DOCK5: variants seen among roughly 807,000 people sequenced by gnomAD.
DOCK5 encodes dedicator of cytokinesis 5, also known as dedicator of cytokinesis protein 5.
In DOCK5, 142 loss-of-function variants were observed where a neutral mutation model predicts 251.8. The ratio of observed to expected loss-of-function variants is 0.56; its 90% CI spans 0.49 to 0.65. The LOEUF is 0.65. DOCK5 is among the 30% of genes least tolerant of loss of function. The pLI is 0.00. For synonymous variants in DOCK5, 842 were observed against 835.5 expected (o/e 1.01, Z -0.13); for missense variants, 2,111 against 2,312.3 (o/e 0.91, Z 1.79).
intron 1 of DOCK5, among the ~76,000 whole-genome samples, chr8:25,237,270 G>A (rs1177411617): frequency 6.6e-6 from 1 of 152,120 alleles, no homozygotes; most frequent in African/African-American, 2.4e-5. Context: ...TTGGGGGGAT[G>A]AGGCGGGAGG....
intron 1 of DOCK5, among the ~76,000 whole-genome samples, chr8:25,229,418 T>C (rs1035017519): frequency 6.6e-5 from 10 of 151,994 alleles, no homozygotes; most frequent in African/African-American, 1.9e-4. Context: ...GAGGCAGAGG[T>C]TGCGGTGAGC....
intron 26 of DOCK5, among the ~76,000 whole-genome samples, chr8:25,351,208 C>T (rs975817524): frequency 2.0e-5 from 3 of 152,136 alleles, no homozygotes; most frequent in African/African-American, 7.2e-5. Flanking sequence ...CAGATGCCCG[C>T]CACCACGCCC....
chr8:25,322,204 C>T (rs973226935), intron 16 of DOCK5, among the ~76,000 whole-genome samples: 4 of 152,212 alleles, frequency 2.6e-5, no homozygotes, highest in African/African-American at 7.2e-5. Context: ...GACACTCCCA[C>T]GCAGAGTCTT....
intron 25 of DOCK5, among the ~76,000 whole-genome samples, chr8:25,344,174 G>A (rs146346125): frequency 1.3e-5 from 2 of 152,238 alleles, no homozygotes; most frequent in Non-Finnish European, 2.9e-5. Context: ...GGAGAGGAGT[G>A]GGGCATGGAG....
chr8:25,239,458 C>T (rs112688125), intron 1 of DOCK5, among the ~76,000 whole-genome samples: 1,525 of 151,664 alleles, frequency 0.01, 33 homozygotes, highest in African/African-American at 0.035. Flanking sequence ...TTCCAATGAC[C>T]GGAACCAGGA....
chr8:25,324,715 A>G (rs1312886745), intron 17 of DOCK5, among the ~76,000 whole-genome samples: 1 of 152,108 alleles, frequency 6.6e-6, no homozygotes, highest in Non-Finnish European at 1.5e-5. Context: ...ACAGATGTAT[A>G]CATGTGCCAT....
intron 1 of DOCK5, among the ~76,000 whole-genome samples, chr8:25,213,835 A>G (rs1198043174): frequency 2.0e-5 from 3 of 152,138 alleles, no homozygotes; most frequent in South Asian, 2.1e-4. Context: ...GCAATAAGAG[A>G]TGGGGGAGAG....
chr8:25,391,689 A>G (rs1801262284), intron 42 of DOCK5, among the ~76,000 whole-genome samples: 1 of 152,176 alleles, frequency 6.6e-6, no homozygotes, highest in South Asian at 2.1e-4. Context: ...GCTGTGAAAT[A>G]AATTCCTAAA....
At position 25,341,003 on chromosome 8, in the gene DOCK5, A is replaced by T. The variant is rs1221275411; in HGVS notation, c.2439+15A>T. The T allele has an allele frequency of 6.3e-7, 1 of 1,593,640 alleles. No individual in the cohort carries two copies. The highest frequency in any genetic ancestry group is 2.2e-5 in the East Asian group (1 of 44,552). ...TCAAGATCAAGGTCAGCCTGGCAGCATCATGGGTAACTCTTCTTAGGCTGT... is the reference window on the plus strand; with the variant it reads ...TCAAGATCAAGGTCAGCCTGGCAGCTTCATGGGTAACTCTTCTTAGGCTGT... On this transcript the variant is annotated intron_variant, in intron 23 of 51. Coordinates refer to ENST00000276440, the MANE Select transcript of DOCK5 (RefSeq NM_024940.8).
chr8:25,237,831 C>T (rs957997660), intron 1 of DOCK5, among the ~76,000 whole-genome samples: 5 of 152,102 alleles, frequency 3.3e-5, no homozygotes, highest in African/African-American at 4.8e-5. Context: ...AATCAGAAGG[C>T]GTTAGAACCA....
chr8:25,376,297 C>T, intron 37 of DOCK5: 1 of 985,202 alleles, frequency 1.0e-6, no homozygotes, highest in Non-Finnish European at 1.2e-6. Context: ...GCTTTTTTTC[C>T]CCCCAGATTG....
At chr8:25,397,362 TCCTG>T (rs1299912587) in intron 45 of DOCK5, among the ~76,000 whole-genome samples, 1 of 152,220 alleles carries the variant, frequency 6.6e-6, no homozygotes, top group Non-Finnish European at 1.5e-5. Context: ...TTGGTTTTCT[TCCTG>T]CCTACTTGGA....
chr8:25,319,764 T>C, intron 15 of DOCK5, 88 bp downstream of exon 15: 1 of 982,330 alleles, frequency 1.0e-6, no homozygotes, highest in Non-Finnish European at 1.5e-6. Context: ...ATTCCTACTT[T>C]ATTTTGAAAT....
chr8:25,334,913 GAGA>G (rs1450552320), intron 21 of DOCK5, among the ~76,000 whole-genome samples: 1 of 152,184 alleles, frequency 6.6e-6, no homozygotes, highest in African/African-American at 2.4e-5. Flanking sequence ...TACAGGATAT[GAGA>G]AGATTTCGTT....
intron 8 of DOCK5, among the ~76,000 whole-genome samples, chr8:25,299,674 T>C (rs1230712880): frequency 6.6e-6 from 1 of 152,194 alleles, no homozygotes; most frequent in African/African-American, 2.4e-5. Context: ...AGCTCAACTT[T>C]GCTGCAAAGC....
intron 27 of DOCK5, among the ~76,000 whole-genome samples, chr8:25,355,762 T>C (rs1376758017): frequency 6.6e-6 from 1 of 152,168 alleles, no homozygotes; most frequent in Non-Finnish European, 1.5e-5. Context: ...TAACCTGTTT[T>C]AAAATAAATG....
intron 5 of DOCK5, among the ~76,000 whole-genome samples, chr8:25,285,452 T>A (rs1804307289): frequency 6.6e-6 from 1 of 152,072 alleles, no homozygotes; most frequent in Non-Finnish European, 1.5e-5. Context: ...GCCAATCAAG[T>A]GAATTTAATT....
chr8:25,333,745 A>G (rs1805735655), intron 20 of DOCK5, among the ~76,000 whole-genome samples: 1 of 152,180 alleles, frequency 6.6e-6, no homozygotes, highest in African/African-American at 2.4e-5. Flanking sequence ...CATTAGCTGC[A>G]TCCTTGGATT....
At chr8:25,198,562 A>C (rs1207763885) in intron 1 of DOCK5, among the ~76,000 whole-genome samples, 7 of 104,358 alleles carry the variant, frequency 6.7e-5, no homozygotes, top group African/African-American at 2.0e-4. Flanking sequence ...ACAGAGCGAG[A>C]CTCCATCTCA....
Sources: allele counts gnomAD v4.1 joint callset (sites outside exome capture counted in the v4.1 genomes callset), GRCh38; gene constraint gnomAD v4.1.1; transcripts MANE v1.5; gene names NCBI Gene and HGNC (gene_info 2026-07-23, HGNC 2026-07-21).